DNAH12: variants seen among roughly 807,000 people sequenced by gnomAD.
DNAH12 encodes the protein dynein axonemal heavy chain 12, also known as axonemal beta dynein heavy chain 12.
Under a neutral mutation model 371.5 loss-of-function variants are expected in DNAH12, and 285 were observed. The observed-to-expected ratio is 0.77, with a 90% CI of 0.70 to 0.85. The LOEUF (loss-of-function observed/expected upper bound fraction) is 0.85, where lower values mean the gene tolerates loss of function less well. Among genes scored for constraint, DNAH12 ranks in the 40% least tolerant of loss-of-function variants. DNAH12 has a pLI of 0.00. For missense variants in DNAH12, 3,611 were observed against 3,689.4 expected (o/e 0.98, Z 0.55); for synonymous variants, 1,200 against 1,213.0 (o/e 0.99, Z 0.22).
At chr3:57,462,553 G>T (rs1229330893) in intron 18 of DNAH12, 137 bp downstream of exon 18, 2 of 1,008,200 alleles carry the variant, frequency 2.0e-6, no homozygotes, top group Admixed American at 5.9e-5. Context: ...CACCCAGCCG[G>T]AGAGTGGTCT....
At chr3:57,367,216 C>A (rs1395800392) in intron 56 of DNAH12, among the ~76,000 whole-genome samples, 2 of 152,172 alleles carry the variant, frequency 1.3e-5, no homozygotes, top group Non-Finnish European at 2.9e-5. Context: ...CACCTGTAAT[C>A]CCAGCTACTT....
rs1378961140 is a variant in DNAH12 at position 57,380,324 on chromosome 3, A to G, written c.8036T>C (p.Met2679Thr). ...TTCTTTCAAATCTCTTAAGAAATTC[A>G]TATCTCCCAGAAGTTTTTTGCTAGG... ...WGPSKKLLGDMNFLRDLKEYD... is the reference protein window; with the variant it reads ...WGPSKKLLGDTNFLRDLKEYD... Residue 2679 changes from methionine (M) to threonine (T), a missense_variant, in exon 51 of 74, where the codon ATG becomes ACG. Met to Thr is a moderately conservative substitution (Grantham distance 81). Around this residue, in one of 3 missense-constraint regions of DNAH12, gnomAD observed 2,266 missense variants for 2,236.9 expected, o/e 1.01. Coordinates refer to ENST00000495027, the MANE Select transcript of DNAH12 (RefSeq NM_001366028.2). 1 of 152,188 alleles carries G rather than the reference A, an allele frequency of 6.6e-6. No homozygotes were observed. The highest frequency in any genetic ancestry group is 1.5e-5 in the Non-Finnish European group (1 of 68,028). The allele number at this position is 152,188 out of a possible 1,614,324, so 9.4% of individuals were successfully genotyped here.
upstream of DNAH12, among the ~76,000 whole-genome samples, chr3:57,545,588 T>G (rs1416431497): frequency 6.6e-6 from 1 of 152,010 alleles, no homozygotes; most frequent in Non-Finnish European, 1.5e-5. Context: ...GGCACCATCA[T>G]AGTGAAAGGA....
chr3:57,305,932 C>T (rs944903431), intron 69 of DNAH12, among the ~76,000 whole-genome samples: 2 of 152,216 alleles, frequency 1.3e-5, no homozygotes, highest in African/African-American at 4.8e-5. Context: ...CCTCCAGAAC[C>T]TCCTCCCCCA....
intron 65 of DNAH12, 110 bp from the exon 66 acceptor site, chr3:57,314,741 C>G: frequency 8.9e-7 from 1 of 1,127,942 alleles, no homozygotes. Flanking sequence ...GATCACGTAT[C>G]TCTACAAACT....
At chr3:57,406,216 T>C (rs1553681179) in intron 40 of DNAH12, among the ~76,000 whole-genome samples, 1 of 151,906 alleles carries the variant, frequency 6.6e-6, no homozygotes, top group Admixed American at 6.6e-5. Context: ...CCAGGTGTCA[T>C]GGCACGTGCC....
At chr3:57,340,579 C>A (rs566821749) in intron 60 of DNAH12, among the ~76,000 whole-genome samples, 14 of 152,014 alleles carry the variant, frequency 9.2e-5, no homozygotes, top group Non-Finnish European at 1.6e-4. Context: ...TTGACACATA[C>A]GACCTATCAA....
At position 57,332,061 on chromosome 3, in the gene DNAH12, T is replaced by G. The variant is rs142573411; in HGVS notation, c.9978+2404A>C. On this transcript the variant is annotated intron_variant, in intron 62 of 73. Transcript: ENST00000495027. ...AATCCCCAACTGTCTCTGCTGTATT[T>G]CGAACTAAGCCTGAGCTCTCTTTCC... Among the ~76,000 whole-genome samples, 3 of 152,316 alleles carry G rather than the reference T, an allele frequency of 2.0e-5. No homozygotes were observed. The East Asian group carries it at 5.8e-4, about 29-fold the overall frequency.
chr3:57,550,570 T>C, the DNAH12 span, among the ~76,000 whole-genome samples: 1 of 152,160 alleles, frequency 6.6e-6, no homozygotes, highest in African/African-American at 2.4e-5. Context: ...TGGAGTGCAG[T>C]GGTGCAATCT....
the DNAH12 span, among the ~76,000 whole-genome samples, chr3:57,549,886 A>G: frequency 3.9e-5 from 6 of 152,096 alleles, no homozygotes; most frequent in Non-Finnish European, 2.9e-5. Flanking sequence ...GGCCTCCCAA[A>G]GTGCTGGGAT....
intron 39 of DNAH12, among the ~76,000 whole-genome samples, chr3:57,411,565 A>T (rs74788839): frequency 7.0e-6 from 1 of 143,500 alleles, no homozygotes; most frequent in Non-Finnish European, 1.5e-5. Context: ...AGAAAGAAAG[A>T]AAAGTACAAC....
intron 36 of DNAH12, among the ~76,000 whole-genome samples, chr3:57,420,178 C>T (rs1424997562): frequency 8.5e-5 from 13 of 152,116 alleles, no homozygotes; most frequent in Non-Finnish European, 1.5e-5. Flanking sequence ...TGAGTGCCTC[C>T]CAATCTTCAC....
chr3:57,417,670 T>A (rs1449443440), intron 37 of DNAH12, among the ~76,000 whole-genome samples: 2 of 152,098 alleles, frequency 1.3e-5, no homozygotes, highest in Non-Finnish European at 2.9e-5. Context: ...ATAGCTATTA[T>A]CCTACACATT....
At chr3:57,479,731 A>C (rs1017669675) in intron 13 of DNAH12, among the ~76,000 whole-genome samples, 4 of 152,230 alleles carry the variant, frequency 2.6e-5, no homozygotes, top group African/African-American at 4.8e-5. Flanking sequence ...CTCTCAGACC[A>C]CAGTGCAATC....
intron 70 of DNAH12, among the ~76,000 whole-genome samples, chr3:57,300,379 T>C (rs188090539): frequency 2.7e-4 from 41 of 152,352 alleles, no homozygotes; most frequent in African/African-American, 8.9e-4. Flanking sequence ...CTATAGCTTC[T>C]ATAAGGGTAA....
In DNAH12 at chr3:57,461,499, T is replaced by C. The variant is rs1480298410; in HGVS notation, c.2726A>G (p.His909Arg). The change falls in exon 19 of 74, where the codon CAT becomes CGT. Residue 909 changes from histidine to arginine, a missense_variant. Transcript: ENST00000495027. ...TCACATTTAACATACCTTGATCTCA[T>C]GTTCAAATGGTTTGATGAAAGGTGA... Reference protein sequence around the residue: ...RGSPFIKPFEHEIKAWEDRLI... With the variant: ...RGSPFIKPFEREIKAWEDRLI... 1.0e-5 allele frequency: 16 copies of C among 1,551,190 alleles called. No homozygotes were observed. Among genetic ancestry groups the C allele is most frequent in the East Asian group, 9.8e-5 (4 of 40,854 alleles).
At chr3:57,437,195 A>AT in intron 29 of DNAH12, 135 bp from the exon 30 acceptor site, 3 of 654,702 alleles carry the variant, frequency 4.6e-6, no homozygotes, top group South Asian at 2.1e-5. Context: ...AAACTTTATT[A>AT]TTTTTTCAAA....
chr3:57,470,840 G>T (rs2066344360), intron 15 of DNAH12, among the ~76,000 whole-genome samples: 1 of 152,070 alleles, frequency 6.6e-6, no homozygotes, highest in African/African-American at 2.4e-5. Context: ...CCAAGTAGCT[G>T]GGACTACAGA....
At chr3:57,336,866 C>T (rs1386518848) in intron 60 of DNAH12, among the ~76,000 whole-genome samples, 3 of 152,168 alleles carry the variant, frequency 2.0e-5, no homozygotes, top group Non-Finnish European at 4.4e-5. Context: ...CAGATAAATA[C>T]AGAGAATCCT....
Sources: gnomAD v4.1 joint callset for allele counts (sites outside exome capture counted in the v4.1 genomes callset) on GRCh38, gnomAD v4.1.1 for gene constraint, gnomAD v4.1.1 regional missense constraint, MANE v1.5 for transcripts, NCBI Gene and HGNC (gene_info 2026-07-23, HGNC 2026-07-21) for gene names.